LAMB4: variants seen among roughly 807,000 people sequenced by gnomAD.
LAMB4 encodes laminin subunit beta-4.
LAMB4 carries 196 observed loss-of-function variants against 199.2 expected under a neutral mutation model. The observed-to-expected ratio is 0.98, with a 90% CI of 0.88 to 1.11. The LOEUF is 1.11. Among genes scored for constraint, LAMB4 ranks in the 50% least tolerant of loss-of-function variants. LAMB4 has a pLI of 0.00. For missense variants in LAMB4, 2,080 were observed against 2,171.2 expected (o/e 0.96, Z 0.83); for synonymous variants, 744 against 770.6 (o/e 0.97, Z 0.57).
intron 25 of LAMB4, among the ~76,000 whole-genome samples, chr7:108,053,382 A>AT (rs1202298514): frequency 5.3e-5 from 8 of 152,070 alleles, no homozygotes; most frequent in African/African-American, 1.2e-4. Flanking sequence ...ACCCAGCAAC[A>AT]TTTTTTTTAA....
intron 33 of LAMB4, among the ~76,000 whole-genome samples, chr7:108,026,225 C>A (rs926914426): frequency 5.9e-5 from 9 of 152,168 alleles, no homozygotes; most frequent in African/African-American, 2.2e-4. Flanking sequence ...CTTTGTAGTT[C>A]TTCCCATCAA....
At position 108,049,333 on chromosome 7, in the gene LAMB4, T is replaced by C; in HGVS notation, c.4115A>G (p.Asn1372Ser). Reference sequence around the variant, plus strand: ...ACCATCATGAATATTTACCTTTTCATTCAATATTTGGATATCTGGTATCTT... The same window carrying C: ...ACCATCATGAATATTTACCTTTTCACTCAATATTTGGATATCTGGTATCTT... ...QIKIPDIQIL[N>S]EKVCGDPGNV... Residue 1372 changes from asparagine to serine, a missense_variant, in exon 27 of 34, where the codon AAT becomes AGT. Asn to Ser is a conservative substitution (Grantham distance 46, BLOSUM62 1). Transcript: ENST00000388781. 6.5e-7 allele frequency: 1 copy of C among 1,534,232 alleles called. No homozygotes were observed. The highest frequency in any genetic ancestry group is 9.0e-7 in the Non-Finnish European group (1 of 1,112,276).
chr7:108,058,419 TGA>T (rs2036055267), intron 23 of LAMB4, among the ~76,000 whole-genome samples: 1 of 152,252 alleles, frequency 6.6e-6, no homozygotes, highest in Non-Finnish European at 1.5e-5. Context: ...AATGATTTAA[TGA>T]GAGTTACTTA....
At chr7:108,116,648 T>C (rs1343605880) in intron 2 of LAMB4, among the ~76,000 whole-genome samples, 2 of 152,210 alleles carry the variant, frequency 1.3e-5, no homozygotes, top group African/African-American at 4.8e-5. Flanking sequence ...GCATTTTTTA[T>C]TCAAATCAGG....
intron 11 of LAMB4, among the ~76,000 whole-genome samples, chr7:108,096,033 A>T (rs1025894459): frequency 6.6e-6 from 1 of 152,260 alleles, no homozygotes. Flanking sequence ...TACTAATTGT[A>T]CCATCTTAAC....
intron 6 of LAMB4, 141 bp downstream of exon 6, chr7:108,107,490 C>T (rs762076268): frequency 6.3e-6 from 4 of 631,970 alleles, no homozygotes; most frequent in Non-Finnish European, 8.0e-6. Flanking sequence ...GGAATCATTT[C>T]AGTTTAGACA....
intron 21 of LAMB4, among the ~76,000 whole-genome samples, chr7:108,065,503 G>C (rs1482667660): frequency 6.6e-6 from 1 of 151,830 alleles, no homozygotes; most frequent in East Asian, 1.9e-4. Context: ...ACTTGATTTG[G>C]TCTCATTTGG....
chr7:108,097,585 AC>A lies in LAMB4; in HGVS notation c.1360+817del, dbSNP rs1321111119. Among the ~76,000 whole-genome samples, 5 of 152,330 alleles carry A rather than the reference AC, an allele frequency of 3.3e-5. No homozygotes were observed. The East Asian group carries it at 9.6e-4, about 29-fold the overall frequency. On this transcript the variant is annotated intron_variant, in intron 11 of 33. Transcript: ENST00000388781. ...CGGATCACGAGGTCAGGAGACAGAG[AC>A]CATCTTGGCTAACACGGTGAAACCC...
intron 11 of LAMB4, among the ~76,000 whole-genome samples, chr7:108,095,883 A>G (rs1309283457): frequency 6.6e-6 from 1 of 152,224 alleles, no homozygotes; most frequent in Non-Finnish European, 1.5e-5. Context: ...GCAAATACCA[A>G]CGTTCATGGA....
chr7:108,072,540 G>A (rs929152968), intron 17 of LAMB4, among the ~76,000 whole-genome samples: 2 of 152,188 alleles, frequency 1.3e-5, no homozygotes, highest in Admixed American at 1.3e-4. Flanking sequence ...AAAAAAGGGG[G>A]CATGGGATTG....
At chr7:108,029,234 A>G in intron 32 of LAMB4, 38 bp from the exon 33 acceptor site, 1 of 1,586,672 alleles carries the variant, frequency 6.3e-7, no homozygotes, top group East Asian at 2.2e-5. Flanking sequence ...GAAAATATGT[A>G]TAAAGCATGT....
chr7:108,125,710 G>A (rs1033996246), intron 1 of LAMB4, among the ~76,000 whole-genome samples: 16 of 152,216 alleles, frequency 1.1e-4, no homozygotes, highest in African/African-American at 1.7e-4. Context: ...GCAGACTGCC[G>A]AATTCCCAGG....
intron 14 of LAMB4, among the ~76,000 whole-genome samples, chr7:108,083,396 C>T (rs1285283409): frequency 6.6e-6 from 1 of 152,220 alleles, no homozygotes; most frequent in Non-Finnish European, 1.5e-5. Context: ...TGGCTTCCTA[C>T]AGTGAGAACC....
rs575894937 is a variant in LAMB4, at chr7:108,066,454, A to G, written c.2593T>C (p.Cys865Arg). ...TCACAAAGTTCAGCAAACCTATTAC[A>G]AGGGCAAGGGTGGCAGCTGGGAAAT... ...FGFPSCHPCP[C>R]NRFAELCDPE... is the part of the protein sequence containing the mutation. The change falls in exon 20 of 34, where the codon TGT becomes CGT. Residue 865 changes from cysteine to arginine, a missense_variant. Coordinates refer to ENST00000388781, the MANE Select transcript of LAMB4 (RefSeq NM_007356.3). 2.0e-4 allele frequency: 320 copies of G among 1,614,178 alleles called. 7 individuals carry two copies. The South Asian group carries it at 3.2e-3, about 16-fold the overall frequency.
intron 29 of LAMB4, among the ~76,000 whole-genome samples, chr7:108,040,143 A>C (rs1214352854): frequency 1.3e-5 from 2 of 152,192 alleles, no homozygotes; most frequent in Non-Finnish European, 2.9e-5. Context: ...CAAGCCAGGA[A>C]GGCAATCTCA....
chr7:108,123,168 T>C lies in LAMB4; in HGVS notation c.-4A>G. ...AAAGGGTCAGTTGAAATTGCATTCT[T>C]TTGTCAGGAGATGATTAAATTCAAT... On this transcript the variant is annotated 5_prime_UTR_variant, in exon 2 of 34. Transcript: ENST00000388781. 1 of 1,609,752 alleles carries C rather than the reference T, an allele frequency of 6.2e-7. No individual in the cohort carries two copies.
In LAMB4 at chr7:108,024,002, A is replaced by T. The variant is rs1252668242; in HGVS notation, c.*37T>A. 2.6e-6 allele frequency: 4 copies of T among 1,565,296 alleles called. No homozygotes were observed. The African/African-American group carries it at 5.5e-5, about 22-fold the overall frequency. On this transcript the variant is annotated 3_prime_UTR_variant, in exon 34 of 34. Transcript: ENST00000388781. ...CCCAGGGGCTTGTACATCAGAAACC[A>T]GAAACAAAGGCACAAGCTTTTGCTC...
Position 108,055,648 on chromosome 7 carries a change from A to C in LAMB4, c.3739T>G (p.Tyr1247Asp), listed in dbSNP as rs2035957887. ...PSGKFLKVKD[Y>D]HDSVRRQIMQ... ...AAATCTTACCTAACAGAGTCATGAT[A>C]ATCCTTGACTTTTAAGAATTTCCCA... Residue 1247 changes from tyrosine to aspartate, a missense_variant, in exon 25 of 34, where the codon TAT (tyrosine) becomes GAT (aspartate). Coordinates refer to ENST00000388781, the MANE Select transcript of LAMB4 (RefSeq NM_007356.3). The C allele has an allele frequency of 5.0e-6, 8 of 1,613,170 alleles. No individual in the cohort carries two copies. In the South Asian group the frequency reaches 8.8e-5, roughly 18 times the overall value.
Position 108,079,724 on chromosome 7 carries a change from C to T in LAMB4, c.1764G>A (p.Gly588=). 2 of 1,611,130 alleles carry T rather than the reference C, an allele frequency of 1.2e-6. No homozygotes were observed. Among genetic ancestry groups the T allele is most frequent in the Non-Finnish European group, 1.7e-6 (2 of 1,178,954 alleles). Residue 588 remains glycine, a synonymous_variant, in exon 15 of 34, where the codon GGG becomes GGA. Coordinates refer to ENST00000388781, the MANE Select transcript of LAMB4 (RefSeq NM_007356.3). The part of the protein sequence containing the change: ...VHVVLGEPVP[G]NPVTWTGPGF... ...CAGGTCCAGTCCATGTAACAGGGTT[C>T]CCAGGAACTGGCTCTCCTAAAACAA...
Sources: allele counts gnomAD v4.1 joint callset (sites outside exome capture counted in the v4.1 genomes callset), GRCh38; gene constraint gnomAD v4.1.1; transcripts MANE v1.5; gene names NCBI Gene and HGNC (gene_info 2026-07-23, HGNC 2026-07-21).